Variants in ABR observed in about 807,000 individuals in gnomAD.
The protein encoded by ABR is ABR activator of RhoGEF and GTPase.
In ABR, 35 loss-of-function variants were observed where a neutral mutation model predicts 107.2. That is an observed-to-expected ratio of 0.33 (90% confidence interval 0.25 to 0.43). ABR has a LOEUF of 0.43. Ranked by LOEUF, ABR falls within the 20% of genes least tolerant of loss-of-function variation. ABR has a pLI of 1.00. For missense variants in ABR, 815 were observed against 1,115.2 expected (o/e 0.73, Z 3.83); for synonymous variants, 498 against 462.0 (o/e 1.08, Z -1.00).
At chr17:1,228,548 G>T (rs1391598395) in intron 1 of ABR, among the ~76,000 whole-genome samples, 5 of 152,258 alleles carry the variant, frequency 3.3e-5, no homozygotes, top group African/African-American at 1.2e-4. Flanking sequence ...CCCGGGCGCC[G>T]GCCCTGCCGC....
chr17:1,205,013 C>T (rs906917033), intron 1 of ABR, among the ~76,000 whole-genome samples: 1 of 147,596 alleles, frequency 6.8e-6, no homozygotes, highest in African/African-American at 2.5e-5. Flanking sequence ...AAGTGATTCT[C>T]CTGCCTCAGC....
At chr17:1,097,170 G>C (rs1390841634) in intron 3 of ABR, among the ~76,000 whole-genome samples, 1 of 152,170 alleles carries the variant, frequency 6.6e-6, no homozygotes, top group East Asian at 1.9e-4. Flanking sequence ...CGTGTCTGAT[G>C]GGGACAGGCG....
intron 1 of ABR, among the ~76,000 whole-genome samples, chr17:1,139,738 A>G (rs1446534102): frequency 6.6e-6 from 1 of 152,204 alleles, no homozygotes; most frequent in East Asian, 1.9e-4. Context: ...CCAGATGGAC[A>G]CAGGTCATCC....
At chr17:1,168,849 C>A (rs746160181) in intron 1 of ABR, among the ~76,000 whole-genome samples, 4 of 152,208 alleles carry the variant, frequency 2.6e-5, no homozygotes, top group Non-Finnish European at 5.9e-5. Flanking sequence ...TCAGCTCCTG[C>A]CTTTGGTTTC....
chr17:1,011,901 G>A lies in ABR; in HGVS notation c.2046C>T (p.Tyr682=), dbSNP rs1475179464. 8 of 1,610,526 alleles carry A rather than the reference G, an allele frequency of 5.0e-6. No homozygotes were observed. Among genetic ancestry groups the A allele is most frequent in the Non-Finnish European group, 6.8e-6 (8 of 1,177,420 alleles). Residue 682 remains tyrosine (Y), a synonymous_variant, in exon 19 of 23, where the codon TAC becomes TAT. Transcript: ENST00000302538. This position sits in a 1 kb window ranked among gnomAD's most constrained non-coding sequence, Gnocchi z 4.8. ...EKRGIEEVGI[Y]RISGVATDIQ... The stretch of plus-strand genomic sequence containing the variant: ...TGTCCGTGGCCACGCCCGATATCCT[G>A]TAGATGCCAACCTCCTCGATACCCC...
At chr17:1,215,427 G>A (rs1230764424) in intron 1 of ABR, among the ~76,000 whole-genome samples, 9 of 152,188 alleles carry the variant, frequency 5.9e-5, no homozygotes, top group African/African-American at 1.2e-4. Context: ...TTTTGGTGGA[G>A]ACGGGGTTTC....
upstream of ABR, among the ~76,000 whole-genome samples, chr17:1,191,372 T>G (rs2042430887): frequency 6.8e-6 from 1 of 147,186 alleles, no homozygotes; most frequent in African/African-American, 2.5e-5. Context: ...TTTTTTTTTT[T>G]TTTGAGACAG....
Position 1,146,260 on chromosome 17 carries a change from GACACAC to G in ABR, c.62-20899_62-20894del, listed in dbSNP as rs60058475. ...GTTTCTATCCACGCAGGCACATGGA[GACACAC>G]ACACACACACACACACACACACACA... On this transcript the variant is annotated intron_variant, in intron 1 of 22. Transcript: ENST00000302538. 2.1e-3 allele frequency among the ~76,000 whole-genome samples: 295 copies of G among 140,196 alleles called. 1 individual carries two copies. The highest frequency in any genetic ancestry group is 3.9e-3 in the African/African-American group (144 of 37,240). 92.0% of individuals were successfully genotyped at this position (140,196 alleles called of 152,430 possible). A position where few individuals can be genotyped will look rare whatever the true frequency, so the allele number is the denominator to read the frequency against.
rs144130000 is a variant in ABR at position 1,117,851 on chromosome 17, G to T, written c.246+7332C>A. Among the ~76,000 whole-genome samples, 30 of 83,812 alleles carry T rather than the reference G, an allele frequency of 3.6e-4. 3 individuals carry two copies. Among genetic ancestry groups the T allele is most frequent in the African/African-American group, 1.5e-3 (26 of 17,502 alleles). The allele number at this position is 83,812 out of a possible 152,430, so 55.0% of individuals were successfully genotyped here. A position where few individuals can be genotyped will look rare whatever the true frequency, so the allele number is the denominator to read the frequency against. ...TCCCTGAGCCTGAGTCCCTCCCAGC[G>T]TTATTGCCTGAGCCTGAGTCCCTCC... On this transcript the variant is annotated intron_variant, in intron 2 of 22. Coordinates refer to ENST00000302538, the MANE Select transcript of ABR (RefSeq NM_021962.5).
At chr17:1,108,808 C>T in intron 2 of ABR, 3 of 473,746 alleles carry the variant, frequency 6.3e-6, no homozygotes, top group Non-Finnish European at 8.8e-6. Context: ...CTGCCGGGGC[C>T]GGGACCCTCC....
In ABR at chr17:1,158,693, T is replaced by C. The variant is rs1212981754; in HGVS notation, c.61+20974A>G. On this transcript the variant is annotated intron_variant, in intron 1 of 22. Coordinates refer to ENST00000302538, the MANE Select transcript of ABR (RefSeq NM_021962.5). ...TAGGAGAATTGCTTGAACCTGGGAG[T>C]TGGAAGTTGCAATGAGCCAAGACCG... 2.0e-5 allele frequency among the ~76,000 whole-genome samples: 3 copies of C among 150,776 alleles called. No individual in the cohort carries two copies. In the East Asian group the frequency reaches 5.9e-4, roughly 30 times the overall value.
At chr17:1,161,380 T>C (rs2041286617) in intron 1 of ABR, among the ~76,000 whole-genome samples, 1 of 150,122 alleles carries the variant, frequency 6.7e-6, no homozygotes, top group African/African-American at 2.5e-5. Context: ...TAGCTTAGAC[T>C]CTAGGGGCAT....
chr17:1,203,432 GGGGACGGAGTCTGC>G (rs2042719830), intron 1 of ABR, among the ~76,000 whole-genome samples: 2 of 75,250 alleles, frequency 2.7e-5, no homozygotes, highest in Admixed American at 1.2e-4. Context: ...CGGGGCCCGC[GGGGACGGAGTCTGC>G]GGGGGCGGGG....
intron 16 of ABR, among the ~76,000 whole-genome samples, chr17:1,030,998 C>T (rs1005902712): frequency 6.6e-6 from 1 of 152,242 alleles, no homozygotes; most frequent in African/African-American, 2.4e-5. Context: ...AGATTTTAAT[C>T]CCAACTCAGG....
intron 1 of ABR, among the ~76,000 whole-genome samples, chr17:1,197,350 GA>G (rs534484054): frequency 6.6e-6 from 1 of 151,568 alleles, no homozygotes; most frequent in South Asian, 2.1e-4. Flanking sequence ...CTGCGGGTTT[GA>G]AAAAAATTGG....
At chr17:1,113,274 TGC>T (rs2038803827) in intron 2 of ABR, among the ~76,000 whole-genome samples, 2 of 124,248 alleles carry the variant, frequency 1.6e-5, no homozygotes, top group African/African-American at 3.1e-5. Flanking sequence ...AAACACCTAT[TGC>T]GATTTTTTTT....
chr17:1,099,964 C>T (rs12942570), intron 3 of ABR, among the ~76,000 whole-genome samples: 1 of 152,018 alleles, frequency 6.6e-6, no homozygotes, highest in East Asian at 1.9e-4. Context: ...CCTGTCTCTA[C>T]TAAATACAAA....
intron 1 of ABR, among the ~76,000 whole-genome samples, chr17:1,155,118 G>T (rs1057071195): frequency 2.0e-5 from 3 of 152,096 alleles, no homozygotes; most frequent in Non-Finnish European, 4.4e-5. Flanking sequence ...GCTCTGGGAT[G>T]TCCCAGCAAT....
chr17:1,182,555 A>G (rs554416577), upstream of ABR, among the ~76,000 whole-genome samples: 1 of 152,182 alleles, frequency 6.6e-6, no homozygotes, highest in East Asian at 1.9e-4. Context: ...TTTAGTAGAG[A>G]CGGGGTTTCA....
Sources: allele counts gnomAD v4.1 joint callset (sites outside exome capture counted in the v4.1 genomes callset), GRCh38; gene constraint gnomAD v4.1.1; non-coding constraint Gnocchi (gnomAD v3.1); transcripts MANE v1.5; gene names NCBI Gene and HGNC (gene_info 2026-07-23, HGNC 2026-07-21).